Variants in CDK5RAP2 observed in about 807,000 individuals in gnomAD.
The protein encoded by CDK5RAP2 is CDK5 regulatory subunit-associated protein 2.
A neutral mutation model predicts 232.9 loss-of-function variants in CDK5RAP2; 147 were observed. The observed-to-expected ratio is 0.63, with a 90% CI of 0.55 to 0.72. The LOEUF (loss-of-function observed/expected upper bound fraction) is 0.72. Among genes scored for constraint, CDK5RAP2 ranks in the 30% least tolerant of loss-of-function variants. The pLI is 0.00. For missense variants in CDK5RAP2, 2,195 were observed against 2,231.5 expected (o/e 0.98, Z 0.33); for synonymous variants, 833 against 833.7 (o/e 1.00, Z 0.01).
intron 12 of CDK5RAP2, among the ~76,000 whole-genome samples, chr9:120,499,992 G>T (rs1207140081): frequency 6.6e-6 from 1 of 152,166 alleles, no homozygotes. Context: ...AAGTTTAAGA[G>T]AATAAAGTCA....
At chr9:120,537,428 T>A (rs1466344957) in intron 6 of CDK5RAP2, among the ~76,000 whole-genome samples, 1 of 152,030 alleles carries the variant, frequency 6.6e-6, no homozygotes, top group African/African-American at 2.4e-5. Context: ...GGGCTTCCTG[T>A]CACTCTCAAT....
In CDK5RAP2 at chr9:120,444,931, C is replaced by A. The variant is rs1432458428; in HGVS notation, c.3026-1189G>T. 3.9e-5 allele frequency among the ~76,000 whole-genome samples: 6 copies of A among 152,314 alleles called. No individual in the cohort carries two copies. The South Asian group carries it at 1.0e-3, about 26-fold the overall frequency. On this transcript the variant is annotated intron_variant, in intron 22 of 37. Transcript: ENST00000349780. ...TAGATCATGTACTTAGAGTGTATAG[C>A]AAGACTCAGTAAATAATAGGTGCTT...
intron 20 of CDK5RAP2, among the ~76,000 whole-genome samples, chr9:120,456,448 G>C (rs1038050360): frequency 6.6e-6 from 1 of 152,168 alleles, no homozygotes; most frequent in Non-Finnish European, 1.5e-5. Context: ...AGCCCTCTGA[G>C]GGGAGAGAGA....
intron 12 of CDK5RAP2, among the ~76,000 whole-genome samples, chr9:120,518,043 A>G (rs1438278050): frequency 6.6e-6 from 1 of 152,224 alleles, no homozygotes; most frequent in Admixed American, 6.5e-5. Flanking sequence ...GTGATGAAAT[A>G]TTATGCTGGC....
At position 120,467,864 on chromosome 9, in the gene CDK5RAP2, G is replaced by C. The variant is rs764171211; in HGVS notation, c.2102C>G (p.Thr701Arg). The C allele has an allele frequency of 1.2e-6, 2 of 1,613,910 alleles. No individual in the cohort carries two copies. The highest frequency in any genetic ancestry group is 2.7e-5 in the African/African-American group (2 of 74,876). ...GACAACAAAAATGTTTCTTACCTCT[G>C]TTTGTTCTGTAGACGCAAGTCTATC... ...FPDRLASTEQ[T>R]ELLASKEDED... The change falls in exon 18 of 38, where the codon ACA becomes AGA. Residue 701 changes from threonine (T) to arginine (R), a missense_variant. Thr to Arg is a moderately conservative substitution (Grantham distance 71). Transcript: ENST00000349780.
At chr9:120,497,757 T>C (rs1335562989) in intron 12 of CDK5RAP2, among the ~76,000 whole-genome samples, 2 of 152,142 alleles carry the variant, frequency 1.3e-5, no homozygotes, top group African/African-American at 4.8e-5. Flanking sequence ...AAGCTGAGTG[T>C]TGGGAGAAGC....
intron 18 of CDK5RAP2, 49 bp downstream of exon 18, chr9:120,467,811 G>A (rs377142741): frequency 3.4e-5 from 55 of 1,602,554 alleles, no homozygotes; most frequent in African/African-American, 8.0e-5. Flanking sequence ...ATACCAAGCC[G>A]GTTGTTATAT....
chr9:120,518,211 G>GTGAGAC (rs1554770754), intron 12 of CDK5RAP2, among the ~76,000 whole-genome samples: 343 of 31,490 alleles, frequency 0.011, no homozygotes, highest in African/African-American at 0.013. Context: ...GTGTGTGTGT[G>GTGAGAC]AGAGAGAGAG....
rs767602307 is a variant in CDK5RAP2, at chr9:120,439,960, C to T, written c.3161G>A (p.Cys1054Tyr). 8 of 1,613,604 alleles carry T rather than the reference C, an allele frequency of 5.0e-6. No homozygotes were observed. Among genetic ancestry groups the T allele is most frequent in the Non-Finnish European group, 5.9e-6 (7 of 1,179,912 alleles). Residue 1054 changes from cysteine (C) to tyrosine (Y), a missense_variant, in exon 24 of 38, where the codon TGC (cysteine) becomes TAC (tyrosine). By Grantham distance (194) the Cys-to-Tyr change is radical. Coordinates refer to ENST00000349780, the MANE Select transcript of CDK5RAP2 (RefSeq NM_018249.6). ...CAAGCTGGCAAGGTCATCAGGTGGGCAAATCTCAGAGTCTGAAAATCAAAT... is the reference window on the plus strand; with the variant it reads ...CAAGCTGGCAAGGTCATCAGGTGGGTAAATCTCAGAGTCTGAAAATCAAAT... The part of the protein sequence containing the change: ...QRSYEIDSEI[C>Y]PPDDLASLPS...
chr9:120,406,922 T>C (rs946524744), intron 32 of CDK5RAP2, 90 bp downstream of exon 32: 45 of 981,428 alleles, frequency 4.6e-5, no homozygotes, highest in Non-Finnish European at 9.6e-6. Context: ...GACACCTCTG[T>C]GGGGCAAAGG....
chr9:120,455,993 G>C (rs542807473), intron 20 of CDK5RAP2, among the ~76,000 whole-genome samples: 76 of 152,162 alleles, frequency 5.0e-4, no homozygotes, highest in Non-Finnish European at 8.5e-4. Context: ...CTTAACAAAT[G>C]AGAGAATTCA....
At chr9:120,474,008 A>G (rs2131545865) in intron 15 of CDK5RAP2, among the ~76,000 whole-genome samples, 1 of 152,370 alleles carries the variant, frequency 6.6e-6, no homozygotes, top group South Asian at 2.1e-4. Context: ...GGCAGGGCAG[A>G]CAGGAGCAGA....
intron 5 of CDK5RAP2, among the ~76,000 whole-genome samples, chr9:120,541,548 T>A (rs765635803): frequency 6.6e-5 from 10 of 152,256 alleles, no homozygotes; most frequent in Non-Finnish European, 1.5e-4. Context: ...AGATAAAATT[T>A]ACTTGCAACA....
At position 120,470,133 on chromosome 9, in the gene CDK5RAP2, G is replaced by C. The variant is rs1472314758; in HGVS notation, c.1946C>G (p.Ser649Cys). ...TACCTTTTTCTTAAGTTCTTCTTGA[G>C]AAAAATGTTCCACTTGAAACCGATT... ...ENNRFQVEHF[S>C]QEELKKKVSD... The change falls in exon 17 of 38, where the codon TCT (serine) becomes TGT (cysteine). Residue 649 changes from serine (S) to cysteine (C), a missense_variant. Coordinates refer to ENST00000349780, the MANE Select transcript of CDK5RAP2 (RefSeq NM_018249.6). 5 of 1,565,842 alleles carry C rather than the reference G, an allele frequency of 3.2e-6. No individual in the cohort carries two copies. The highest frequency in any genetic ancestry group is 1.7e-4 in the Middle Eastern group (1 of 5,876).
At chr9:120,567,822 C>G (rs767948226) in intron 3 of CDK5RAP2, among the ~76,000 whole-genome samples, 17 of 152,172 alleles carry the variant, frequency 1.1e-4, no homozygotes, top group Non-Finnish European at 2.2e-4. Context: ...GGATTCAAAT[C>G]CCAACTCTGA....
At chr9:120,440,782 C>A (rs903858476) in intron 23 of CDK5RAP2, among the ~76,000 whole-genome samples, 3 of 152,146 alleles carry the variant, frequency 2.0e-5, no homozygotes, top group South Asian at 4.1e-4. Flanking sequence ...GAAGTCAGTG[C>A]CAGTGTGAGA....
chr9:120,460,379 A>G (rs2037015908), intron 19 of CDK5RAP2, among the ~76,000 whole-genome samples, 193 bp downstream of exon 19: 2 of 152,206 alleles, frequency 1.3e-5, no homozygotes, highest in Non-Finnish European at 2.9e-5. Context: ...TTCATGTTTC[A>G]TGACTGGCTC....
intron 5 of CDK5RAP2, among the ~76,000 whole-genome samples, chr9:120,545,230 G>A (rs1248709434): frequency 6.6e-6 from 1 of 152,100 alleles, no homozygotes; most frequent in Non-Finnish European, 1.5e-5. Flanking sequence ...TTTTACAACA[G>A]TAAGAATTGA....
intron 4 of CDK5RAP2, among the ~76,000 whole-genome samples, chr9:120,549,294 A>G (rs1018563031): frequency 3.3e-5 from 5 of 152,244 alleles, no homozygotes; most frequent in African/African-American, 1.2e-4. Flanking sequence ...TATACTATAT[A>G]TACATAAAAT....
Sources: gnomAD v4.1 joint callset for allele counts (sites outside exome capture counted in the v4.1 genomes callset) on GRCh38, gnomAD v4.1.1 for gene constraint, MANE v1.5 for transcripts, NCBI Gene and HGNC (gene_info 2026-07-23, HGNC 2026-07-21) for gene names.